Variants in SYN3 observed in about 807,000 individuals in gnomAD.
SYN3 encodes synapsin III, also known as synapsin-3.
SYN3 carries 35 observed loss-of-function variants against 65.8 expected under a neutral mutation model. That is an observed-to-expected ratio of 0.53 (90% CI 0.41 to 0.70). SYN3 has a LOEUF of 0.70. Ranked by LOEUF, SYN3 falls within the 30% of genes least tolerant of loss-of-function variation. The pLI is 0.00. For synonymous variants in SYN3, 270 were observed against 292.9 expected, an observed-to-expected ratio of 0.92 and a Z score of 0.80; for missense variants, 680 against 749.0, an observed-to-expected ratio of 0.91 and a Z score of 1.08.
chr22:32,735,150 TG>T (rs1026583007), intron 6 of SYN3, among the ~76,000 whole-genome samples: 1 of 152,104 alleles, frequency 6.6e-6, no homozygotes, highest in African/African-American at 2.4e-5. Flanking sequence ...TGGCTCTGTG[TG>T]TGTTGAGGGG....
chr22:32,589,132 A>G (rs545427752), intron 7 of SYN3, among the ~76,000 whole-genome samples: 2 of 152,332 alleles, frequency 1.3e-5, no homozygotes, highest in East Asian at 3.9e-4. Flanking sequence ...ACGGAGCTGT[A>G]ACACTGCTGA....
At chr22:32,712,284 C>T (rs980765749) in intron 6 of SYN3, among the ~76,000 whole-genome samples, 2 of 152,208 alleles carry the variant, frequency 1.3e-5, no homozygotes, top group African/African-American at 4.8e-5. Flanking sequence ...CTGCTTCATG[C>T]ACTCTTCCTA....
chr22:32,891,787 T>A (rs2049454927), intron 4 of SYN3, among the ~76,000 whole-genome samples: 1 of 152,056 alleles, frequency 6.6e-6, no homozygotes. Flanking sequence ...TTTTCCTGTC[T>A]TAATGTGACT....
rs5845007 is a variant in SYN3, at chr22:32,531,905, CT to C, written c.1095+1887del. On this transcript the variant is annotated intron_variant, in intron 10 of 13. Coordinates refer to ENST00000358763, the MANE Select transcript of SYN3 (RefSeq NM_003490.4). The stretch of plus-strand genomic sequence containing the variant: ...TTGAAGTCCGAGCCCACTACTTTTA[CT>C]TTTTTTTTTTTTTTTTTAATGTGAA... Among the ~76,000 whole-genome samples the C allele has an allele frequency of 4.0e-3, 465 of 115,438 alleles. 1 individual carries two copies. Among genetic ancestry groups the C allele is most frequent in the African/African-American group, 0.012 (351 of 28,362 alleles). 75.7% of individuals were successfully genotyped at this position (115,438 alleles called of 152,430 possible). A position where few individuals can be genotyped will look rare whatever the true frequency, so the allele number is the denominator to read the frequency against.
chr22:32,840,185 G>A (rs1223311652), intron 6 of SYN3, among the ~76,000 whole-genome samples: 1 of 152,218 alleles, frequency 6.6e-6, no homozygotes, highest in African/African-American at 2.4e-5. Context: ...GATTTTCTGA[G>A]TGTGTGTCTT....
intron 6 of SYN3, chr22:32,861,145 G>A (rs1343422309): frequency 6.8e-6 from 1 of 146,982 alleles, no homozygotes; most frequent in East Asian, 2.0e-4. Context: ...TTCCACTTTA[G>A]GAAACAGAGC....
chr22:32,664,346 G>A (rs1250861837), intron 6 of SYN3, among the ~76,000 whole-genome samples: 1 of 152,184 alleles, frequency 6.6e-6, no homozygotes, highest in African/African-American at 2.4e-5. Flanking sequence ...GGGAGACTTG[G>A]CCAGCACTTG....
Position 32,980,655 on chromosome 22 carries a change from C to G in SYN3, c.359G>C (p.Arg120Pro). The G allele has an allele frequency of 6.2e-7, 1 of 1,614,018 alleles. No homozygotes were observed. The highest frequency in any genetic ancestry group is 8.5e-7 in the Non-Finnish European group (1 of 1,179,928). ...ACAGCTCCCACCTACCTGCTCCACT[C>G]GGATCTCAATCTCTCCATTCACCTT... Reference protein sequence around the residue: ...GKKVNGEIEIRVEQAEFSELN... With the variant: ...GKKVNGEIEIPVEQAEFSELN... The change falls in exon 3 of 14, where the codon CGA (arginine) becomes CCA (proline). Residue 120 changes from arginine to proline, a missense_variant. Physicochemically the swap from Arg to Pro is moderately radical, Grantham distance 103. Coordinates refer to ENST00000358763, the MANE Select transcript of SYN3 (RefSeq NM_003490.4).
chr22:32,989,831 T>G (rs2052641574), intron 2 of SYN3, among the ~76,000 whole-genome samples: 1 of 73,846 alleles, frequency 1.4e-5, no homozygotes, highest in Admixed American at 1.8e-4. Context: ...TGAGACTCCA[T>G]CTTCAAAAAA....
chr22:32,743,853 C>T (rs909631332), intron 6 of SYN3, among the ~76,000 whole-genome samples: 1 of 152,102 alleles, frequency 6.6e-6, no homozygotes, highest in Non-Finnish European at 1.5e-5. Flanking sequence ...TCTTTTTCAT[C>T]TTGGTGGCAA....
chr22:32,694,792 C>T (rs1251688687), intron 6 of SYN3, among the ~76,000 whole-genome samples: 1 of 152,226 alleles, frequency 6.6e-6, no homozygotes, highest in African/African-American at 2.4e-5. Context: ...ATTTCATTAT[C>T]AAGTTGTCCA....
At chr22:32,888,795 T>C (rs980119543) in intron 4 of SYN3, among the ~76,000 whole-genome samples, 4 of 152,210 alleles carry the variant, frequency 2.6e-5, no homozygotes, top group Admixed American at 6.5e-5. Flanking sequence ...TGGAGCATTC[T>C]GGATTTTTTT....
At chr22:32,556,275 T>G (rs1438241101) in intron 7 of SYN3, among the ~76,000 whole-genome samples, 1 of 152,226 alleles carries the variant, frequency 6.6e-6, no homozygotes, top group African/African-American at 2.4e-5. Flanking sequence ...ACTAATGGGA[T>G]GTATGTGCTT....
chr22:32,813,964 A>G (rs2046985945), intron 6 of SYN3, among the ~76,000 whole-genome samples: 1 of 152,154 alleles, frequency 6.6e-6, no homozygotes, highest in Admixed American at 6.6e-5. Context: ...TTATTACTAC[A>G]TGGTATTACT....
intron 3 of SYN3, among the ~76,000 whole-genome samples, chr22:32,934,279 C>A (rs1273554787): frequency 2.0e-5 from 3 of 152,120 alleles, no homozygotes; most frequent in African/African-American, 7.2e-5. Context: ...AAGATAGAAT[C>A]TCTGACTCAA....
chr22:32,984,232 T>G (rs867714851), intron 2 of SYN3, among the ~76,000 whole-genome samples: 6 of 150,054 alleles, frequency 4.0e-5, no homozygotes, highest in Middle Eastern at 3.5e-3. Flanking sequence ...GAGTCTGTCT[T>G]CCTTCCTTGG....
chr22:32,970,347 A>G (rs569623689), intron 3 of SYN3, among the ~76,000 whole-genome samples: 1 of 152,210 alleles, frequency 6.6e-6, no homozygotes, highest in South Asian at 2.1e-4. Flanking sequence ...GACAGTCTAA[A>G]GACATAGAGC....
intron 7 of SYN3, among the ~76,000 whole-genome samples, chr22:32,555,566 G>A (rs2058482540): frequency 1.3e-5 from 2 of 152,164 alleles, no homozygotes. Flanking sequence ...ACTGCATGAG[G>A]TAATTTACTG....
At chr22:32,629,116 C>T (rs1360155574) in intron 6 of SYN3, among the ~76,000 whole-genome samples, 1 of 152,146 alleles carries the variant, frequency 6.6e-6, no homozygotes, top group East Asian at 1.9e-4. Flanking sequence ...CGTGTGTGCT[C>T]CCCAAATATT....
Sources: gnomAD v4.1 joint callset for allele counts (sites outside exome capture counted in the v4.1 genomes callset) on GRCh38, gnomAD v4.1.1 for gene constraint, MANE v1.5 for transcripts, NCBI Gene and HGNC (gene_info 2026-07-23, HGNC 2026-07-21) for gene names.